DIAPH2: variants seen among roughly 807,000 people sequenced by gnomAD.
DIAPH2 encodes protein diaphanous homolog 2.
A neutral mutation model predicts 92.7 loss-of-function variants in DIAPH2; 35 were observed. That is an observed-to-expected ratio of 0.38 (90% CI 0.29 to 0.50). DIAPH2 has a LOEUF of 0.50. Ranked by LOEUF, DIAPH2 falls within the 20% of genes least tolerant of loss-of-function variation. The pLI, the probability that DIAPH2 is intolerant of heterozygous loss-of-function variation, is 0.94. For synonymous variants in DIAPH2, 301 were observed against 280.4 expected, an observed-to-expected ratio of 1.07 and a Z score of -0.73; for missense variants, 701 against 819.5, an observed-to-expected ratio of 0.86 and a Z score of 1.77.
intron 25 of DIAPH2, among the ~76,000 whole-genome samples, chrX:97,425,411 T>C (rs779083750): frequency 8.9e-6 from 1 of 111,892 alleles, no homozygotes; most frequent in South Asian, 3.7e-4. Context: ...ATTTTAAGTG[T>C]TCTGACTACC....
At chrX:96,995,240 A>G (rs746347415) in intron 17 of DIAPH2, among the ~76,000 whole-genome samples, 3 of 112,208 alleles carry the variant, frequency 2.7e-5, no homozygotes, top group African/African-American at 9.7e-5. Context: ...ATTGATCTTA[A>G]TGCATTATTT....
rs772042168 is a variant in DIAPH2 at position 97,176,267 on chromosome X, T to A, written c.2719+34473T>A. Among the ~76,000 whole-genome samples the A allele has an allele frequency of 1.7e-3, 195 of 111,946 alleles. 2 individuals are homozygous for A. The highest frequency in any genetic ancestry group is 5.9e-3 in the African/African-American group (183 of 30,913). Reference sequence around the variant, plus strand: ...TGAACAATGATGAGTAGTTTATTGGTTTTTCACCTTTCTTCATTCTTTGCC... The same window carrying A: ...TGAACAATGATGAGTAGTTTATTGGATTTTCACCTTTCTTCATTCTTTGCC... On this transcript the variant is annotated intron_variant, in intron 22 of 26. Transcript: ENST00000324765.
intron 19 of DIAPH2, among the ~76,000 whole-genome samples, chrX:97,095,098 CTTTTTTTTTTTTTTTTTTTTTTTT>C (rs61350837): frequency 4.5e-5 from 1 of 22,406 alleles, no homozygotes; most frequent in Non-Finnish European, 9.0e-5. Context: ...GTTTCTTTTT[CTTTTTTTTTTTTTTTTTTTTTTTT>C]TTTTTTTTTT....
chrX:96,952,426 C>T (rs986349597), intron 15 of DIAPH2, among the ~76,000 whole-genome samples: 3 of 111,930 alleles, frequency 2.7e-5, no homozygotes, highest in Non-Finnish European at 5.6e-5. Flanking sequence ...CAAACATTTG[C>T]TTCAGCTTAC....
At chrX:96,802,129 T>C (rs915092743) in intron 4 of DIAPH2, among the ~76,000 whole-genome samples, 8 of 112,237 alleles carry the variant, frequency 7.1e-5, no homozygotes, top group Non-Finnish European at 1.5e-4. Flanking sequence ...ACAGAGTATC[T>C]ACTTCTACCT....
intron 1 of DIAPH2, among the ~76,000 whole-genome samples, chrX:96,707,609 T>C (rs890234077): frequency 3.7e-5 from 4 of 108,807 alleles, no homozygotes; most frequent in African/African-American, 1.3e-4. Flanking sequence ...GATCACGCCA[T>C]TGCACTCCAG....
intron 19 of DIAPH2, among the ~76,000 whole-genome samples, chrX:97,098,429 C>T (rs1279767207): frequency 8.9e-6 from 1 of 112,046 alleles, no homozygotes; most frequent in African/African-American, 3.2e-5. Flanking sequence ...GTTGTTGATA[C>T]TTCATATCAG....
intron 17 of DIAPH2, among the ~76,000 whole-genome samples, chrX:96,990,236 A>G (rs896761060): frequency 5.3e-5 from 6 of 112,206 alleles, no homozygotes; most frequent in African/African-American, 1.9e-4. Context: ...CTGCCTTTCA[A>G]AGAAGCTCTT....
chrX:96,843,518 C>T (rs2147704224), intron 4 of DIAPH2, among the ~76,000 whole-genome samples: 1 of 111,183 alleles, frequency 9.0e-6, no homozygotes, highest in East Asian at 2.8e-4. Flanking sequence ...CGGGAGTAGG[C>T]CAGCATCATT....
At chrX:96,792,859 T>C (rs1373293608) in intron 4 of DIAPH2, among the ~76,000 whole-genome samples, 1 of 112,161 alleles carries the variant, frequency 8.9e-6, no homozygotes, top group Non-Finnish European at 1.9e-5. Context: ...TGATGTTAAT[T>C]TATTTAAATT....
chrX:97,065,691 A>C (rs1190830776), intron 17 of DIAPH2, among the ~76,000 whole-genome samples: 1 of 111,246 alleles, frequency 9.0e-6, no homozygotes, highest in Non-Finnish European at 1.9e-5. Context: ...AAAAGTTAAC[A>C]GTAAAACAGC....
At chrX:96,894,974 ATTTTTTTTTTTTTT>A (rs766131166) in intron 5 of DIAPH2, among the ~76,000 whole-genome samples, 4 of 59,532 alleles carry the variant, frequency 6.7e-5, no homozygotes, top group African/African-American at 1.2e-4. Flanking sequence ...GTTTTTCTTA[ATTTTTTTTTTTTTT>A]TTTTTTTTTT....
intron 17 of DIAPH2, among the ~76,000 whole-genome samples, chrX:97,010,174 G>A (rs1046673175): frequency 8.9e-6 from 1 of 111,746 alleles, no homozygotes; most frequent in African/African-American, 3.3e-5. Context: ...TCCCTCTGTG[G>A]GCACTGGCTG....
At chrX:97,253,851 A>G (rs1036133438) in intron 23 of DIAPH2, among the ~76,000 whole-genome samples, 3 of 112,373 alleles carry the variant, frequency 2.7e-5, no homozygotes, top group Non-Finnish European at 3.7e-5. Flanking sequence ...GTAAAGGCCA[A>G]TTTTATTCAG....
rs758048355 is a variant in DIAPH2 at position 97,274,984 on chromosome X, C to T, written c.2844+27145C>T. Among the ~76,000 whole-genome samples, 122 of 111,989 alleles carry T rather than the reference C, an allele frequency of 1.1e-3. 1 individual carries two copies. Among genetic ancestry groups the T allele is most frequent in the Non-Finnish European group, 1.9e-3 (102 of 53,142 alleles). ...GTAAGGTCATAGATCAACAGCATCC[C>T]AAGGCAGAAGAATCTTTCTTAGTAC... On this transcript the variant is annotated intron_variant, in intron 23 of 26. Coordinates refer to ENST00000324765, the MANE Select transcript of DIAPH2 (RefSeq NM_006729.5).
intron 23 of DIAPH2, among the ~76,000 whole-genome samples, chrX:97,282,357 G>A (rs1448874796): frequency 1.8e-5 from 2 of 111,694 alleles, no homozygotes; most frequent in East Asian, 2.8e-4. Flanking sequence ...GCAGTGGCGC[G>A]AAATTGGCTC....
intron 24 of DIAPH2, among the ~76,000 whole-genome samples, chrX:97,349,859 C>T (rs182707079): frequency 5.2e-4 from 58 of 111,119 alleles, no homozygotes; most frequent in East Asian, 2.5e-3. Context: ...AACACATAAG[C>T]GCACAGGTTA....
In DIAPH2 at chrX:97,546,189, T is replaced by C. The variant is rs2071180199; in HGVS notation, c.3242-53064T>C. 4.5e-5 allele frequency among the ~76,000 whole-genome samples: 5 copies of C among 111,592 alleles called. No homozygotes were observed. The South Asian group carries it at 1.9e-3, about 42-fold the overall frequency. On this transcript the variant is annotated intron_variant, in intron 26 of 26. Transcript: ENST00000324765. ...CCCTCTCCCCAAATGAATTTTGTTG[T>C]CAAATACTGGTACTAACAATTATTG...
intron 26 of DIAPH2, among the ~76,000 whole-genome samples, chrX:97,519,007 G>A (rs1370367999): frequency 1.8e-5 from 2 of 111,774 alleles, no homozygotes; most frequent in Admixed American, 1.9e-4. Context: ...TTTCTGGATT[G>A]TTTGCTGTTT....
Sources: allele counts gnomAD v4.1 joint callset (sites outside exome capture counted in the v4.1 genomes callset), GRCh38; gene constraint gnomAD v4.1.1; transcripts MANE v1.5; gene names NCBI Gene and HGNC (gene_info 2026-07-23, HGNC 2026-07-21).